NUGGC: variants seen among roughly 807,000 people sequenced by gnomAD.
The protein encoded by NUGGC is nuclear GTPase, germinal center associated.
Under a neutral mutation model 92.6 loss-of-function variants are expected in NUGGC, and 58 were observed. The ratio of observed to expected loss-of-function variants is 0.63; its 90% CI spans 0.51 to 0.78. The LOEUF (loss-of-function observed/expected upper bound fraction) is 0.78. Among genes scored for constraint, NUGGC ranks in the 30% least tolerant of loss-of-function variants. The pLI, the probability that NUGGC is intolerant of heterozygous loss-of-function variation, is 0.00. For missense variants in NUGGC, 925 were observed against 964.6 expected, an observed-to-expected ratio of 0.96 and a Z score of 0.54; for synonymous variants, 376 against 366.4, an observed-to-expected ratio of 1.03 and a Z score of -0.30.
At chr8:28,047,671 T>G (rs1809875498) in intron 10 of NUGGC, 59 bp from the exon 11 acceptor site, 1 of 1,060,086 alleles carries the variant, frequency 9.4e-7, no homozygotes, top group African/African-American at 1.6e-5. Context: ...AAGGCAATCA[T>G]GCACAGGACC....
At chr8:28,030,494 C>T (rs1448841516) in intron 15 of NUGGC, 76 bp from the exon 16 acceptor site, 1 of 746,490 alleles carries the variant, frequency 1.3e-6, no homozygotes, top group Non-Finnish European at 2.4e-6. Context: ...CAGTGCATGG[C>T]CACCATTCCC....
chr8:28,022,158 T>TTTTTC lies in NUGGC; in HGVS notation c.*1158_*1159insGAAAA, dbSNP rs1491218075. Reference sequence around the variant, plus strand: ...ATATATATATATTTTTTTCTTTTTCTTTTTTTTTTTTTTTTTTTGAGACAT... The same window carrying TTTTTC: ...ATATATATATATTTTTTTCTTTTTCTTTTTCTTTTTTTTTTTTTTTTTTGAGACAT... On this transcript the variant is annotated 3_prime_UTR_variant, in exon 19 of 19. Transcript: ENST00000413272. 2 of 39,170 alleles carry TTTTTC rather than the reference T, an allele frequency of 5.1e-5. No homozygotes were observed. Among genetic ancestry groups the TTTTTC allele is most frequent in the Non-Finnish European group, 1.5e-4 (2 of 12,924 alleles). The allele number at this position is 39,170 out of a possible 1,614,324, so 2.4% of individuals were successfully genotyped here.
chr8:28,038,562 G>A (rs1437397163), intron 13 of NUGGC, among the ~76,000 whole-genome samples: 1 of 152,172 alleles, frequency 6.6e-6, no homozygotes, highest in Non-Finnish European at 1.5e-5. Context: ...GGGAAACTGA[G>A]GTACGAACCA....
rs766045646 is a variant in NUGGC, at chr8:28,064,738, AAGG to A, written c.712-10_712-8del. 4.5e-5 allele frequency: 72 copies of A among 1,613,174 alleles called. No individual in the cohort carries two copies. In the African/African-American group the frequency reaches 7.2e-4, roughly 16 times the overall value. On this transcript the variant is annotated splice_region_variant and splice_polypyrimidine_tract_variant and intron_variant, in intron 6 of 18. Transcript: ENST00000413272. Reference sequence around the variant, plus strand: ...TGATGGACAGCTCTTCTGCCTGAAGAAGGAGGACAGAGTCACACACACCAGCCA... The same window carrying A: ...TGATGGACAGCTCTTCTGCCTGAAGAAGGACAGAGTCACACACACCAGCCA...
intron 10 of NUGGC, among the ~76,000 whole-genome samples, chr8:28,052,635 T>C (rs763173920): frequency 2.0e-5 from 3 of 152,202 alleles, no homozygotes; most frequent in Non-Finnish European, 2.9e-5. Context: ...ATGGCGCTGC[T>C]AATACCTTGA....
At chr8:28,070,491 A>C (rs1184617239) in intron 2 of NUGGC, 135 bp from the exon 3 acceptor site, 21 of 567,494 alleles carry the variant, frequency 3.7e-5, no homozygotes, top group Non-Finnish European at 5.9e-5. Flanking sequence ...AATCTGAAGC[A>C]TGAGGGATTA....
chr8:28,075,989 C>T (rs935607201), intron 1 of NUGGC, among the ~76,000 whole-genome samples: 1 of 152,220 alleles, frequency 6.6e-6, no homozygotes, highest in Non-Finnish European at 1.5e-5. Context: ...TGAATTCCTG[C>T]TCTTGCTTCA....
At chr8:28,025,174 G>A (rs1809225524) in intron 18 of NUGGC, among the ~76,000 whole-genome samples, 1 of 152,234 alleles carries the variant, frequency 6.6e-6, no homozygotes, top group Non-Finnish European at 1.5e-5. Context: ...GACGTGATCA[G>A]AATCGCTTGC....
At position 28,068,456 on chromosome 8, in the gene NUGGC, T is replaced by C. The variant is rs1456959619; in HGVS notation, c.258-18A>G. ...GCCTATTTCTGGATGAATTTTAAAA[T>C]GCACATTGCCATGATCATCAAAGTT... On this transcript the variant is annotated intron_variant, in intron 4 of 18. Transcript: ENST00000413272. 6.8e-7 allele frequency: 1 copy of C among 1,481,126 alleles called. No homozygotes were observed. Among genetic ancestry groups the C allele is most frequent in the African/African-American group, 1.4e-5 (1 of 71,808 alleles). The allele number at this position is 1,481,126 out of a possible 1,614,324, so 91.7% of individuals were successfully genotyped here. A position where few individuals can be genotyped will look rare whatever the true frequency, so the allele number is the denominator to read the frequency against.
chr8:28,027,124 C>T, intron 17 of NUGGC, 72 bp from the exon 18 acceptor site: 2 of 1,198,438 alleles, frequency 1.7e-6, no homozygotes, highest in East Asian at 2.4e-5. Context: ...AAAAGGGACC[C>T]CACCCAGTCC....
chr8:28,064,788 C>A, intron 6 of NUGGC, 57 bp from the exon 7 acceptor site: 1 of 1,476,312 alleles, frequency 6.8e-7, no homozygotes, highest in African/African-American at 1.4e-5. Flanking sequence ...CTGTTCACCC[C>A]GGTTGGCTGT....
intron 2 of NUGGC, among the ~76,000 whole-genome samples, chr8:28,072,247 C>T (rs552287156): frequency 2.6e-5 from 4 of 152,330 alleles, no homozygotes; most frequent in East Asian, 3.9e-4. Flanking sequence ...CAAGAATTCG[C>T]CCTGGCTCGG....
intron 8 of NUGGC, among the ~76,000 whole-genome samples, chr8:28,059,097 T>A (rs550886263): frequency 1.3e-5 from 2 of 151,936 alleles, no homozygotes; most frequent in Non-Finnish European, 2.9e-5. Context: ...AGGAAAAAAA[T>A]GAAGCTGCAA....
At position 28,031,521 on chromosome 8, in the gene NUGGC, G is replaced by T. The variant is rs745325795; in HGVS notation, c.1770-140C>A. On this transcript the variant is annotated intron_variant, in intron 14 of 18. Transcript: ENST00000413272. ...AACAGTTATCAAATCCCTATAATGT[G>T]CCAGGCACTGTGCTGTGCCAGACCT... 3.6e-4 allele frequency: 285 copies of T among 802,740 alleles called. 4 individuals carry two copies. Among genetic ancestry groups the T allele is most frequent in the Admixed American group, 4.5e-4 (17 of 37,394 alleles). 49.7% of individuals were successfully genotyped at this position (802,740 alleles called of 1,614,324 possible).
chr8:28,042,568 C>G (rs757029374), intron 12 of NUGGC, among the ~76,000 whole-genome samples: 1 of 152,208 alleles, frequency 6.6e-6, no homozygotes, highest in Non-Finnish European at 1.5e-5. Flanking sequence ...AGGTGGGGCT[C>G]TCTGTCCTGT....
Position 28,073,163 on chromosome 8 carries a change from G to A in NUGGC, c.43+1205C>T, listed in dbSNP as rs10095106. Among the ~76,000 whole-genome samples, 1,106 of 139,566 alleles carry A rather than the reference G, an allele frequency of 7.9e-3. 12 individuals are homozygous for A. Among genetic ancestry groups the A allele is most frequent in the African/African-American group, 0.027 (988 of 36,372 alleles). 91.6% of individuals were successfully genotyped at this position (139,566 alleles called of 152,430 possible). A position where few individuals can be genotyped will look rare whatever the true frequency, so the allele number is the denominator to read the frequency against. ...ACTACAGGCACTCACCACCACGCCT[G>A]GCTAATTTTTTTTTCTTTTTTTTTT... On this transcript the variant is annotated intron_variant, in intron 2 of 18. Coordinates refer to ENST00000413272, the MANE Select transcript of NUGGC (RefSeq NM_001010906.2).
intron 14 of NUGGC, among the ~76,000 whole-genome samples, chr8:28,032,675 G>A (rs1014041238): frequency 2.0e-5 from 3 of 148,640 alleles, no homozygotes; most frequent in East Asian, 2.0e-4. Context: ...CTGAGATCGC[G>A]CCACTGCACC....
At position 28,074,377 on chromosome 8, in the gene NUGGC, G is replaced by C. The variant is rs749119203; in HGVS notation, c.34C>G (p.Pro12Ala). The change falls in exon 2 of 19, where the codon CCG becomes GCG. Residue 12 changes from proline to alanine, a missense_variant. Coordinates refer to ENST00000413272, the MANE Select transcript of NUGGC (RefSeq NM_001010906.2). ...AETKDVFGQEPHPVEDDLYKE... is the reference protein window; with the variant it reads ...AETKDVFGQEAHPVEDDLYKE... ...ACTGCAAAGATGTTACCTGGATGCG[G>C]TTCCTGGCCAAAAACATCCTTCGTT... 1 of 1,612,710 alleles carries C rather than the reference G, an allele frequency of 6.2e-7. No homozygotes were observed. Among genetic ancestry groups the C allele is most frequent in the East Asian group, 2.2e-5 (1 of 44,878 alleles).
In NUGGC at chr8:28,023,328, T is replaced by C; in HGVS notation, c.2380A>G (p.Thr794Ala). ...CTAAGCCCCAGGAGTTACAGTGATG[T>C]CCCGGGGGGGCCAGCCTTGCTGGGG... ...ASPSKAGPPGTSL is the reference protein window; with the variant it reads ...ASPSKAGPPGASL Residue 794 changes from threonine to alanine, a missense_variant, in exon 19 of 19, where the codon ACA (threonine) becomes GCA (alanine). Thr to Ala is a moderately conservative substitution (Grantham distance 58). Coordinates refer to ENST00000413272, the MANE Select transcript of NUGGC (RefSeq NM_001010906.2). 1 of 1,613,528 alleles carries C rather than the reference T, an allele frequency of 6.2e-7. No homozygotes were observed. Among genetic ancestry groups the C allele is most frequent in the Non-Finnish European group, 8.5e-7 (1 of 1,179,666 alleles).
Sources: allele counts gnomAD v4.1 joint callset (sites outside exome capture counted in the v4.1 genomes callset), GRCh38; gene constraint gnomAD v4.1.1; transcripts MANE v1.5; gene names NCBI Gene and HGNC (gene_info 2026-07-23, HGNC 2026-07-21).